Variants in RSRC1 observed in about 807,000 individuals in gnomAD.
RSRC1 encodes the protein serine/Arginine-related protein 53.
RSRC1 carries 39 observed loss-of-function variants against 49.1 expected under a neutral mutation model. The observed-to-expected ratio is 0.79, with a 90% CI of 0.61 to 1.04. The LOEUF (loss-of-function observed/expected upper bound fraction) is 1.04. RSRC1 is among the 50% of genes least tolerant of loss of function. RSRC1 has a pLI of 0.00. For missense variants in RSRC1, 388 were observed against 402.4 expected (o/e 0.96, Z 0.31); for synonymous variants, 143 against 130.8 (o/e 1.09, Z -0.63).
At chr3:158,388,957 T>C (rs1733121704) in intron 6 of RSRC1, among the ~76,000 whole-genome samples, 1 of 152,030 alleles carries the variant, frequency 6.6e-6, no homozygotes, top group Non-Finnish European at 1.5e-5. Context: ...TACTATCAAG[T>C]TGGAGGAATA....
chr3:158,253,825 A>T (rs1724367529), intron 4 of RSRC1, among the ~76,000 whole-genome samples: 1 of 152,036 alleles, frequency 6.6e-6, no homozygotes, highest in Non-Finnish European at 1.5e-5. Flanking sequence ...TGCAAGTTTG[A>T]TACATAGGTA....
intron 5 of RSRC1, among the ~76,000 whole-genome samples, chr3:158,345,098 GGCACCTGTA>G (rs1324794311): frequency 6.6e-6 from 1 of 151,862 alleles, no homozygotes; most frequent in East Asian, 1.9e-4. Flanking sequence ...CATGGTGTCG[GGCACCTGTA>G]GTCCCAGCTA....
intron 6 of RSRC1, among the ~76,000 whole-genome samples, chr3:158,395,155 C>T (rs1429273047): frequency 6.6e-6 from 1 of 152,072 alleles, no homozygotes; most frequent in East Asian, 1.9e-4. Context: ...TAGACCCCTT[C>T]CTTAGAACAT....
chr3:158,410,488 T>A (rs1365699988), intron 6 of RSRC1, among the ~76,000 whole-genome samples: 1 of 152,174 alleles, frequency 6.6e-6, no homozygotes, highest in African/African-American at 2.4e-5. Context: ...TTAAAATGAT[T>A]TTCATGATTG....
At chr3:158,438,195 C>T (rs114448054) in intron 6 of RSRC1, among the ~76,000 whole-genome samples, 2,663 of 152,252 alleles carry the variant, frequency 0.017, 65 homozygotes, top group African/African-American at 0.061. Flanking sequence ...AAGAATATTT[C>T]ATGCTCATGG....
chr3:158,421,765 C>T (rs1735073263), intron 6 of RSRC1, among the ~76,000 whole-genome samples: 1 of 151,828 alleles, frequency 6.6e-6, no homozygotes, highest in East Asian at 1.9e-4. Context: ...AATGCTTAGG[C>T]ATGCAATTGG....
chr3:158,456,726 T>C (rs1292429418), intron 6 of RSRC1, among the ~76,000 whole-genome samples: 1 of 152,034 alleles, frequency 6.6e-6, no homozygotes, highest in Non-Finnish European at 1.5e-5. Flanking sequence ...GTAACAAAGG[T>C]ATAGCAATTC....
intron 6 of RSRC1, among the ~76,000 whole-genome samples, chr3:158,411,794 T>C (rs1734478140): frequency 6.6e-6 from 1 of 152,078 alleles, no homozygotes; most frequent in Admixed American, 6.6e-5. Context: ...TTTAGGCCAT[T>C]TTAGTGTTTG....
At chr3:158,377,493 T>A (rs1001455343) in intron 6 of RSRC1, among the ~76,000 whole-genome samples, 5 of 152,058 alleles carry the variant, frequency 3.3e-5, no homozygotes, top group Admixed American at 2.6e-4. Flanking sequence ...GAGTGTAGTG[T>A]CTTCTCATTC....
In RSRC1 at chr3:158,511,933, G is replaced by A. The variant is rs549670719; in HGVS notation, c.653-25159G>A. Reference sequence around the variant, plus strand: ...GCATAAATGTCCTCTTTTGAGAAGTGTCTGTTCATGTCCTTCGCCCACTTT... The same window carrying A: ...GCATAAATGTCCTCTTTTGAGAAGTATCTGTTCATGTCCTTCGCCCACTTT... On this transcript the variant is annotated intron_variant, in intron 7 of 9. Transcript: ENST00000611884. 1.8e-3 allele frequency among the ~76,000 whole-genome samples: 277 copies of A among 152,080 alleles called. 5 individuals are homozygous for A. Among genetic ancestry groups the A allele is most frequent in the Non-Finnish European group, 5.4e-4 (37 of 68,008 alleles).
At chr3:158,457,209 C>T (rs1737372633) in intron 6 of RSRC1, among the ~76,000 whole-genome samples, 1 of 151,794 alleles carries the variant, frequency 6.6e-6, no homozygotes, top group African/African-American at 2.4e-5. Flanking sequence ...AAATGAGGTC[C>T]CGAATGTGAG....
intron 5 of RSRC1, among the ~76,000 whole-genome samples, chr3:158,352,328 A>G (rs1730923980): frequency 6.6e-6 from 1 of 152,164 alleles, no homozygotes. Context: ...TATCTTCAAG[A>G]TAATGGTTAT....
At chr3:158,371,802 C>T (rs1346102807) in intron 6 of RSRC1, among the ~76,000 whole-genome samples, 1 of 151,774 alleles carries the variant, frequency 6.6e-6, no homozygotes, top group Non-Finnish European at 1.5e-5. Context: ...GTGGCTGAAC[C>T]ATATTTTGCT....
At chr3:158,449,849 G>T (rs1319257120) in intron 6 of RSRC1, among the ~76,000 whole-genome samples, 2 of 151,884 alleles carry the variant, frequency 1.3e-5, no homozygotes, top group African/African-American at 2.4e-5. Context: ...ACATATAGCT[G>T]TCCTCGGTTA....
At chr3:158,380,796 G>T (rs1404973319) in intron 6 of RSRC1, among the ~76,000 whole-genome samples, 1 of 151,916 alleles carries the variant, frequency 6.6e-6, no homozygotes, top group Non-Finnish European at 1.5e-5. Flanking sequence ...GCTTATTTTT[G>T]AATTATTACA....
intron 3 of RSRC1, among the ~76,000 whole-genome samples, chr3:158,168,752 G>A (rs1718686175): frequency 6.6e-6 from 1 of 152,154 alleles, no homozygotes; most frequent in Non-Finnish European, 1.5e-5. Context: ...TGTAGAACTA[G>A]TAACTAGTTT....
intron 6 of RSRC1, among the ~76,000 whole-genome samples, chr3:158,390,169 T>C (rs1733193752): frequency 6.6e-6 from 1 of 152,204 alleles, no homozygotes. Flanking sequence ...GTTGAGTGTT[T>C]GTATAGACCA....
intron 6 of RSRC1, among the ~76,000 whole-genome samples, chr3:158,457,537 A>G (rs1737393840): frequency 6.6e-6 from 1 of 152,162 alleles, no homozygotes; most frequent in Non-Finnish European, 1.5e-5. Context: ...ATAGATAGGT[A>G]TGGCTATGAT....
At chr3:158,393,077 CAATG>C (rs1446163486) in intron 6 of RSRC1, among the ~76,000 whole-genome samples, 6 of 151,562 alleles carry the variant, frequency 4.0e-5, no homozygotes, top group African/African-American at 1.5e-4. Flanking sequence ...TTTGTATAAA[CAATG>C]AAATTAAGGT....
Sources: allele counts gnomAD v4.1 joint callset (sites outside exome capture counted in the v4.1 genomes callset), GRCh38; gene constraint gnomAD v4.1.1; transcripts MANE v1.5; gene names NCBI Gene and HGNC (gene_info 2026-07-23, HGNC 2026-07-21).